Variants in MYCBP2 observed in about 807,000 individuals in gnomAD.
MYCBP2 encodes MYC binding protein 2, also known as E3 ubiquitin-protein ligase MYCBP2.
Under a neutral mutation model 525.3 loss-of-function variants are expected in MYCBP2, and 120 were observed. The observed-to-expected ratio is 0.23, with a 90% CI of 0.20 to 0.27. MYCBP2 has a LOEUF of 0.27. Among genes scored for constraint, MYCBP2 ranks in the 10% least tolerant of loss-of-function variants. MYCBP2 has a pLI of 1.00. For missense variants in MYCBP2, 4,149 were observed against 5,657.1 expected (o/e 0.73, Z 8.55); for synonymous variants, 1,894 against 1,955.8 (o/e 0.97, Z 0.83).
chr13:77,200,921 C>T (rs2062452490), intron 26 of MYCBP2, among the ~76,000 whole-genome samples: 1 of 151,962 alleles, frequency 6.6e-6, no homozygotes, highest in Non-Finnish European at 1.5e-5. Flanking sequence ...ACAACCGGTA[C>T]CAGCCACTGC....
rs755704663 is a variant in MYCBP2 at position 77,150,685 on chromosome 13, TAAAC to T, written c.7131+45_7131+48del. 2.0e-3 allele frequency: 3,031 copies of T among 1,512,848 alleles called. 4 individuals are homozygous for T. Among genetic ancestry groups the T allele is most frequent in the Non-Finnish European group, 2.5e-3 (2,719 of 1,096,984 alleles). The allele number at this position is 1,512,848 out of a possible 1,614,324, so 93.7% of individuals were successfully genotyped here. ...CTGAATCACTGAAATGTTGGTTAAATAAACAAATGCTGAAAACTAAAATTTTTCT... is the reference window on the plus strand; with the variant it reads ...CTGAATCACTGAAATGTTGGTTAAATAAATGCTGAAAACTAAAATTTTTCT... On this transcript the variant is annotated intron_variant, in intron 47 of 82. Transcript: ENST00000544440.
At chr13:77,258,782 A>G (rs1372104352) in intron 13 of MYCBP2, among the ~76,000 whole-genome samples, 1 of 152,234 alleles carries the variant, frequency 6.6e-6, no homozygotes, top group Non-Finnish European at 1.5e-5. Flanking sequence ...TTGAGACCTT[A>G]CATGATGTGC....
At position 77,150,865 on chromosome 13, in the gene MYCBP2, T is replaced by C; in HGVS notation, c.7000A>G (p.Ser2334Gly). ...QAKKPQRIPG[S>G]PAVTAASSNT... ...GAAGATGCAGCTGTTACTGCAGGACTGCCAGGAATCCTTTGAGGTTTCTTT... is the reference window on the plus strand; with the variant it reads ...GAAGATGCAGCTGTTACTGCAGGACCGCCAGGAATCCTTTGAGGTTTCTTT... Residue 2334 changes from serine (S) to glycine (G), a missense_variant, in exon 47 of 83, where the codon AGT (serine) becomes GGT (glycine). Physicochemically the swap from Ser to Gly is moderately conservative, Grantham distance 56. Transcript: ENST00000544440. The C allele has an allele frequency of 6.2e-7, 1 of 1,614,170 alleles. No homozygotes were observed. The highest frequency in any genetic ancestry group is 8.5e-7 in the Non-Finnish European group (1 of 1,180,008).
intron 61 of MYCBP2, among the ~76,000 whole-genome samples, chr13:77,088,013 C>T (rs151186300): frequency 6.6e-5 from 10 of 151,956 alleles, no homozygotes; most frequent in South Asian, 4.2e-4. Flanking sequence ...CAAACTCTTG[C>T]GCTCAAGTGA....
At chr13:77,247,779 T>C (rs919834214) in intron 15 of MYCBP2, among the ~76,000 whole-genome samples, 5 of 152,166 alleles carry the variant, frequency 3.3e-5, no homozygotes, top group African/African-American at 1.2e-4. Flanking sequence ...GGTCAGATGA[T>C]TTTTGACAAA....
chr13:77,282,702 C>T (rs143967767), intron 3 of MYCBP2, among the ~76,000 whole-genome samples: 1 of 152,244 alleles, frequency 6.6e-6, no homozygotes, highest in African/African-American at 2.4e-5. Context: ...ACATAGCACA[C>T]ACTGGATACT....
chr13:77,157,620 C>T (rs2057370136), intron 45 of MYCBP2, among the ~76,000 whole-genome samples: 1 of 151,898 alleles, frequency 6.6e-6, no homozygotes, highest in Admixed American at 6.6e-5. Flanking sequence ...GGTGTGGTGG[C>T]ATATCTGTAA....
intron 1 of MYCBP2, among the ~76,000 whole-genome samples, chr13:77,309,460 G>A (rs1274004010): frequency 6.6e-6 from 1 of 152,164 alleles, no homozygotes; most frequent in Non-Finnish European, 1.5e-5. Context: ...CCACAGACCA[G>A]GAAGTCAAAT....
chr13:77,062,629 T>C lies in MYCBP2; in HGVS notation c.12741A>G (p.Arg4247=), dbSNP rs754338783. ...QDHVDRLSSG[R]WMGKDGQQKQ... The stretch of plus-strand genomic sequence containing the variant: ...TTTGTTGTCCATCCTTTCCCATCCA[T>C]CTCCCCGAGGAGAGACGATCTACGT... The change falls in exon 74 of 83, where the codon AGA becomes AGG. Residue 4247 remains arginine, a synonymous_variant. Coordinates refer to ENST00000544440, the MANE Select transcript of MYCBP2 (RefSeq NM_015057.5). 3.7e-6 allele frequency: 6 copies of C among 1,614,100 alleles called. No homozygotes were observed. The Admixed American group carries it at 8.3e-5, about 22-fold the overall frequency.
At chr13:77,072,815 A>C (rs1463902628) in intron 68 of MYCBP2, among the ~76,000 whole-genome samples, 4 of 152,180 alleles carry the variant, frequency 2.6e-5, no homozygotes, top group Non-Finnish European at 5.9e-5. Flanking sequence ...AAGCTTACCC[A>C]AAAAGAAACA....
intron 58 of MYCBP2, 139 bp from the exon 59 acceptor site, chr13:77,093,471 G>A (rs1323919163): frequency 1.5e-6 from 1 of 682,272 alleles, no homozygotes; most frequent in Non-Finnish European, 2.3e-6. Context: ...GTAGATGTAG[G>A]TAGGTGAAAA....
chr13:77,311,565 G>GTTTTTTTTTTTT (rs747995110), intron 1 of MYCBP2, among the ~76,000 whole-genome samples: 1 of 121,896 alleles, frequency 8.2e-6, no homozygotes, highest in Non-Finnish European at 1.7e-5. Flanking sequence ...GTTTTTTTTT[G>GTTTTTTTTTTTT]TTTTTTTTTT....
Position 77,098,096 on chromosome 13 carries a change from T to C in MYCBP2, c.9058A>G (p.Lys3020Glu). 6.2e-7 allele frequency: 1 copy of C among 1,613,444 alleles called. No homozygotes were observed. The highest frequency in any genetic ancestry group is 8.5e-7 in the Non-Finnish European group (1 of 1,179,754). The part of the protein sequence containing the change: ...GDGSKPLEPA[K>E]QAMSPSVAEC... ...GCCACAGAAGGAGACATGGCTTGCT[T>C]GGCTGGCTCTAAAGGCTTGGATCCA... The change falls in exon 56 of 83, where the codon AAG (lysine) becomes GAG (glutamate). Residue 3020 changes from lysine to glutamate, a missense_variant. This residue lies in a region of MYCBP2 where 653 missense variants were observed against 744.7 expected (regional missense o/e 0.88). Coordinates refer to ENST00000544440, the MANE Select transcript of MYCBP2 (RefSeq NM_015057.5).
intron 2 of MYCBP2, among the ~76,000 whole-genome samples, chr13:77,289,069 A>T (rs2077196040): frequency 6.6e-6 from 1 of 152,158 alleles, no homozygotes; most frequent in Non-Finnish European, 1.5e-5. Flanking sequence ...AAGCTGTTTT[A>T]AAATATTTTA....
intron 11 of MYCBP2, 122 bp from the exon 12 acceptor site, chr13:77,261,497 T>A: frequency 1.3e-6 from 1 of 751,190 alleles, no homozygotes; most frequent in Non-Finnish European, 2.1e-6. Flanking sequence ...AAAAACAAAC[T>A]CTTTTTTACA....
chr13:77,173,904 A>G (rs2059373854), intron 37 of MYCBP2, among the ~76,000 whole-genome samples: 1 of 152,234 alleles, frequency 6.6e-6, no homozygotes, highest in Admixed American at 6.5e-5. Flanking sequence ...AGACATCAAA[A>G]TATTCTGTGA....
chr13:77,098,088 G>A lies in MYCBP2; in HGVS notation c.9066C>T (p.Ala3022=), dbSNP rs761423936. 1.9e-6 allele frequency: 3 copies of A among 1,613,350 alleles called. No homozygotes were observed. The highest frequency in any genetic ancestry group is 3.3e-5 in the Admixed American group (2 of 59,882). ...CACATTCGGCCACAGAAGGAGACAT[G>A]GCTTGCTTGGCTGGCTCTAAAGGCT... is the stretch of plus-strand genomic sequence containing the variant. ...GSKPLEPAKQ[A]MSPSVAECAR... The change falls in exon 56 of 83, where the codon GCC becomes GCT. Residue 3022 remains alanine, a synonymous_variant. Transcript: ENST00000544440.
At chr13:77,188,059 A>G (rs2060909604) in intron 30 of MYCBP2, among the ~76,000 whole-genome samples, 1 of 145,804 alleles carries the variant, frequency 6.9e-6, no homozygotes, top group Non-Finnish European at 1.5e-5. Flanking sequence ...CGACAGAGCG[A>G]GACTCTGCCT....
chr13:77,174,031 A>G (rs1049949242), intron 37 of MYCBP2, among the ~76,000 whole-genome samples: 23 of 152,366 alleles, frequency 1.5e-4, no homozygotes, highest in Admixed American at 1.4e-3. Context: ...CAGACCAGAA[A>G]TTATAGAGTG....
Sources: gnomAD v4.1 joint callset for allele counts (sites outside exome capture counted in the v4.1 genomes callset) on GRCh38, gnomAD v4.1.1 for gene constraint, gnomAD v4.1.1 regional missense constraint, MANE v1.5 for transcripts, NCBI Gene and HGNC (gene_info 2026-07-23, HGNC 2026-07-21) for gene names.